Variants in WDR41 observed in about 807,000 individuals in gnomAD.
The protein encoded by WDR41 is WD repeat-containing protein 41.
A neutral mutation model predicts 69.3 loss-of-function variants in WDR41; 63 were observed. That is an observed-to-expected ratio of 0.91 (90% CI 0.74 to 1.12). The LOEUF is 1.12. Ranked by LOEUF, WDR41 falls within the 50% of genes most tolerant of loss-of-function variation. The pLI, the probability that WDR41 is intolerant of heterozygous loss-of-function variation, is 0.00. For missense variants in WDR41, 543 were observed against 534.5 expected, an observed-to-expected ratio of 1.02 and a Z score of -0.16; for synonymous variants, 185 against 192.1, an observed-to-expected ratio of 0.96 and a Z score of 0.31.
intron 1 of WDR41, among the ~76,000 whole-genome samples, chr5:77,576,669 T>A (rs1445277218): frequency 6.6e-6 from 1 of 152,102 alleles, no homozygotes; most frequent in Non-Finnish European, 1.5e-5. Flanking sequence ...GTTTCTGTTC[T>A]TGGTCCTTTT....
intron 1 of WDR41, among the ~76,000 whole-genome samples, chr5:77,537,423 C>G (rs1743007812): frequency 6.6e-6 from 1 of 152,156 alleles, no homozygotes; most frequent in Admixed American, 6.5e-5. Context: ...TGGCCCAGAG[C>G]CTTTATTGGG....
chr5:77,586,874 A>G (rs981774071), intron 1 of WDR41, among the ~76,000 whole-genome samples: 2 of 150,224 alleles, frequency 1.3e-5, no homozygotes, highest in Non-Finnish European at 3.0e-5. Context: ...ACGTGCCAGT[A>G]CGCCTGGCTA....
At chr5:77,572,726 T>A (rs1000728034) in intron 1 of WDR41, among the ~76,000 whole-genome samples, 4 of 152,238 alleles carry the variant, frequency 2.6e-5, no homozygotes, top group African/African-American at 9.6e-5. Context: ...TCCAAAACAA[T>A]GATTTGTCTC....
intron 11 of WDR41, 96 bp from the exon 12 acceptor site, chr5:77,436,490 T>A: frequency 6.7e-7 from 1 of 1,489,046 alleles, no homozygotes; most frequent in Non-Finnish European, 9.1e-7. Flanking sequence ...GTTCCAGACT[T>A]ATTTTAGTCA....
At chr5:77,489,376 T>C in intron 2 of WDR41, 81 bp downstream of exon 2, 1 of 755,018 alleles carries the variant, frequency 1.3e-6, no homozygotes, top group South Asian at 2.7e-5. Flanking sequence ...AAAAGATGTA[T>C]TAATTTTAAA....
chr5:77,504,371 C>T (rs565684076), intron 1 of WDR41, among the ~76,000 whole-genome samples: 18 of 152,164 alleles, frequency 1.2e-4, no homozygotes, highest in South Asian at 2.1e-4. Context: ...CTGAAATTGA[C>T]GCAATAATTA....
intron 2 of WDR41, among the ~76,000 whole-genome samples, chr5:77,480,575 C>G (rs1278284504): frequency 6.6e-6 from 1 of 150,562 alleles, no homozygotes; most frequent in Non-Finnish European, 1.5e-5. Context: ...ATTGCAAGAA[C>G]AAAAAACCAA....
chr5:77,573,704 G>T (rs899864877), intron 1 of WDR41, among the ~76,000 whole-genome samples: 1 of 152,114 alleles, frequency 6.6e-6, no homozygotes, highest in Admixed American at 6.5e-5. Context: ...GATGAGGAGG[G>T]GGAAGGAGAT....
At chr5:77,548,790 A>C (rs1306019716) in intron 1 of WDR41, among the ~76,000 whole-genome samples, 2 of 152,202 alleles carry the variant, frequency 1.3e-5, no homozygotes, top group Non-Finnish European at 2.9e-5. Context: ...ATCTATCTAG[A>C]GGAAAAGAAG....
intron 8 of WDR41, among the ~76,000 whole-genome samples, chr5:77,447,364 T>C (rs1799425312): frequency 6.6e-6 from 1 of 152,176 alleles, no homozygotes; most frequent in Non-Finnish European, 1.5e-5. Context: ...TGGCGATTCC[T>C]CAAGGATCTA....
At chr5:77,593,484 A>G (rs1443608975) in intron 1 of WDR41, among the ~76,000 whole-genome samples, 1 of 152,228 alleles carries the variant, frequency 6.6e-6, no homozygotes, top group Non-Finnish European at 1.5e-5. Flanking sequence ...GAATTACAGT[A>G]AATCCATATA....
chr5:77,453,527 C>T (rs1799704148), intron 6 of WDR41, among the ~76,000 whole-genome samples: 1 of 152,120 alleles, frequency 6.6e-6, no homozygotes, highest in Admixed American at 6.5e-5. Flanking sequence ...ACTGTAAAGT[C>T]GTAAGGGTCT....
chr5:77,479,085 G>C (rs1801102581), intron 2 of WDR41, among the ~76,000 whole-genome samples: 1 of 151,918 alleles, frequency 6.6e-6, no homozygotes, highest in Admixed American at 6.6e-5. Context: ...GCTTCAAAGA[G>C]AATAAAATAC....
chr5:77,478,022 T>G (rs1462722667), intron 2 of WDR41, among the ~76,000 whole-genome samples: 1 of 152,034 alleles, frequency 6.6e-6, no homozygotes, highest in African/African-American at 2.4e-5. Context: ...AAATACAAAC[T>G]ACCATCAGAG....
intron 1 of WDR41, among the ~76,000 whole-genome samples, chr5:77,596,033 T>C (rs1744221771): frequency 6.6e-6 from 1 of 152,226 alleles, no homozygotes; most frequent in Non-Finnish European, 1.5e-5. Context: ...CCATAACCTA[T>C]TGGTCAAATT....
intron 1 of WDR41, among the ~76,000 whole-genome samples, chr5:77,537,882 C>A (rs1182373419): frequency 1.3e-5 from 2 of 152,094 alleles, no homozygotes; most frequent in African/African-American, 4.8e-5. Flanking sequence ...TTAAATGTGA[C>A]TGGAGTATAG....
chr5:77,511,141 A>T (rs1802191601), intron 1 of WDR41, among the ~76,000 whole-genome samples: 1 of 152,178 alleles, frequency 6.6e-6, no homozygotes. Context: ...TACTTATCAT[A>T]ATTTTTAGAA....
chr5:77,508,373 C>T (rs1282559964), intron 1 of WDR41, among the ~76,000 whole-genome samples: 1 of 152,172 alleles, frequency 6.6e-6, no homozygotes, highest in Admixed American at 6.5e-5. Context: ...CTGGTTCTCC[C>T]AAAGTGCTAG....
chr5:77,596,264 C>T (rs934475249), intron 1 of WDR41, among the ~76,000 whole-genome samples: 4 of 152,180 alleles, frequency 2.6e-5, no homozygotes, highest in African/African-American at 9.7e-5. Context: ...TCTCCTGCCT[C>T]AGCCTCCCAA....
Sources: gnomAD v4.1 joint callset for allele counts (sites outside exome capture counted in the v4.1 genomes callset) on GRCh38, gnomAD v4.1.1 for gene constraint, MANE v1.5 for transcripts, NCBI Gene and HGNC (gene_info 2026-07-23, HGNC 2026-07-21) for gene names.